WNT3: variants seen among roughly 807,000 people sequenced by gnomAD.
WNT3 encodes the protein proto-oncogene Wnt-3.
WNT3 carries 7 observed loss-of-function variants against 34.2 expected under a neutral mutation model. The ratio of observed to expected loss-of-function variants is 0.20; its 90% CI spans 0.12 to 0.38. The LOEUF (loss-of-function observed/expected upper bound fraction) is 0.38. Ranked by LOEUF, WNT3 falls within the 10% of genes least tolerant of loss-of-function variation. The pLI, the probability that WNT3 is intolerant of heterozygous loss-of-function variation, is 1.00. For synonymous variants in WNT3, 212 were observed against 211.5 expected (o/e 1.00, Z -0.02); for missense variants, 267 against 499.8 (o/e 0.53, Z 4.44).
In WNT3 at chr17:46,768,877, G is replaced by GC; in HGVS notation, c.589-79dup. 6.4e-7 allele frequency: 1 copy of GC among 1,561,658 alleles called. No individual in the cohort carries two copies. The highest frequency in any genetic ancestry group is 1.2e-5 in the South Asian group (1 of 83,882). On this transcript the variant is annotated intron_variant, in intron 3 of 4. Coordinates refer to ENST00000225512, the MANE Select transcript of WNT3 (RefSeq NM_030753.5). This position sits in a 1 kb window ranked among gnomAD's most constrained non-coding sequence, Gnocchi z 5.0. ...ATCCAGGCCTTCCCTCTCTGCCACT[G>GC]CCCACCCCCTTCCCTCCAGCCTTCT...
At chr17:46,796,431 G>A (rs908106562) in intron 1 of WNT3, among the ~76,000 whole-genome samples, 7 of 152,228 alleles carry the variant, frequency 4.6e-5, no homozygotes, top group Non-Finnish European at 1.0e-4. Flanking sequence ...TGGGGAAACT[G>A]AGGCAGAGAT....
intron 1 of WNT3, among the ~76,000 whole-genome samples, chr17:46,805,866 TG>T (rs1273434476): frequency 6.6e-6 from 1 of 152,198 alleles, no homozygotes; most frequent in Non-Finnish European, 1.5e-5. Flanking sequence ...GGCTGTGGTG[TG>T]GTGTGGTGTC....
chr17:46,771,809 A>C, intron 2 of WNT3, among the ~76,000 whole-genome samples: 1 of 141,294 alleles, frequency 7.1e-6, no homozygotes, highest in Non-Finnish European at 1.6e-5. Context: ...GGGCGTGTGA[A>C]TGGCGCGGCG....
intron 1 of WNT3, among the ~76,000 whole-genome samples, chr17:46,781,446 G>A (rs1344350438): frequency 6.6e-6 from 1 of 151,708 alleles, no homozygotes; most frequent in African/African-American, 2.4e-5. Context: ...TCTGATGCAA[G>A]CTACAACATA....
Position 46,768,412 on chromosome 17 carries a change from G to C in WNT3, c.976C>G (p.Arg326Gly), listed in dbSNP as rs774595709. The part of the protein sequence containing the change: ...GRGHNTRTEK[R>G]KEKCHCIFHW... ...AAGATGCAGTGGCATTTTTCCTTCC[G>C]CTTCTCCGTCCTCGTGTTGTGGCCC... The change falls in exon 4 of 5, where the codon CGG (arginine) becomes GGG (glycine). Residue 326 changes from arginine to glycine, a missense_variant. Physicochemically the swap from Arg to Gly is moderately radical, Grantham distance 125. Around this residue, in one of 3 missense-constraint regions of WNT3, gnomAD observed 60 missense variants for 82.7 expected, o/e 0.73. Transcript: ENST00000225512. The surrounding 1 kb of genome is among the most constrained non-coding windows in gnomAD (Gnocchi z 5.0). The C allele has an allele frequency of 4.3e-6, 7 of 1,613,942 alleles. No individual in the cohort carries two copies. Among genetic ancestry groups the C allele is most frequent in the Middle Eastern group, 1.6e-4 (1 of 6,062 alleles).
chr17:46,810,300 C>T (rs2084257055), intron 1 of WNT3, among the ~76,000 whole-genome samples: 1 of 152,170 alleles, frequency 6.6e-6, no homozygotes, highest in Non-Finnish European at 1.5e-5. Flanking sequence ...AAGCCCCATG[C>T]CCAGCCTTCT....
intron 1 of WNT3, among the ~76,000 whole-genome samples, chr17:46,816,292 C>T (rs1048719297): frequency 5.9e-5 from 9 of 152,114 alleles, no homozygotes; most frequent in African/African-American, 1.9e-4. Flanking sequence ...ATCACAGCAC[C>T]AGCCACTTGC....
At chr17:46,790,759 TGAAGAA>T (rs1353819670) in intron 1 of WNT3, among the ~76,000 whole-genome samples, 1 of 152,230 alleles carries the variant, frequency 6.6e-6, no homozygotes, top group African/African-American at 2.4e-5. Flanking sequence ...CCAGCAGCCA[TGAAGAA>T]GAAGCATTTG....
chr17:46,775,315 TTC>T, intron 1 of WNT3, among the ~76,000 whole-genome samples: 1 of 152,348 alleles, frequency 6.6e-6, no homozygotes, highest in South Asian at 2.1e-4. Flanking sequence ...GCCATGTGCC[TTC>T]CCCCGGGTCC....
intron 4 of WNT3, among the ~76,000 whole-genome samples, chr17:46,766,468 C>G (rs943804348): frequency 1.3e-5 from 2 of 152,098 alleles, no homozygotes; most frequent in Non-Finnish European, 2.9e-5. Flanking sequence ...GAGGAGGAAA[C>G]TGGCGCTCCC....
At chr17:46,772,380 C>T (rs947928277) in intron 2 of WNT3, among the ~76,000 whole-genome samples, 2 of 152,226 alleles carry the variant, frequency 1.3e-5, no homozygotes, top group Non-Finnish European at 2.9e-5. Flanking sequence ...GCCGCTTTCC[C>T]CTGGCTCTTG....
At chr17:46,817,654 C>T (rs937181084) in intron 1 of WNT3, among the ~76,000 whole-genome samples, 14 of 148,614 alleles carry the variant, frequency 9.4e-5, no homozygotes, top group Non-Finnish European at 1.9e-4. Context: ...GCACTGCTCC[C>T]GGCTTCCCAG....
chr17:46,781,178 G>GT (rs1460699031), intron 1 of WNT3, among the ~76,000 whole-genome samples: 1 of 150,812 alleles, frequency 6.6e-6, no homozygotes, highest in East Asian at 2.0e-4. Context: ...CAGTGAGCCA[G>GT]TTGCGCCACT....
At chr17:46,774,848 G>A (rs575281334) in intron 1 of WNT3, among the ~76,000 whole-genome samples, 1 of 152,326 alleles carries the variant, frequency 6.6e-6, no homozygotes, top group African/African-American at 2.4e-5. Context: ...TTTTCTGGGA[G>A]AACCTGAGAA....
intron 3 of WNT3, among the ~76,000 whole-genome samples, chr17:46,769,315 C>CAAAAAAAAAA (rs60504646): frequency 9.7e-6 from 1 of 102,862 alleles, no homozygotes; most frequent in Admixed American, 1.0e-4. Flanking sequence ...GACTCCGTCT[C>CAAAAAAAAAA]AAAAAAAAAA....
At chr17:46,805,404 C>G (rs533337700) in intron 1 of WNT3, among the ~76,000 whole-genome samples, 14 of 152,002 alleles carry the variant, frequency 9.2e-5, no homozygotes, top group Non-Finnish European at 1.6e-4. Flanking sequence ...GAAATCCCAT[C>G]TCTACTAAAA....
At chr17:46,810,004 CTTTTTT>C (rs11292601) in intron 1 of WNT3, among the ~76,000 whole-genome samples, 2 of 126,390 alleles carry the variant, frequency 1.6e-5, no homozygotes, top group East Asian at 4.5e-4. Context: ...TTCTTTCTTT[CTTTTTT>C]TTTTTTTTTT....
Position 46,809,992 on chromosome 17 carries a change from TTTTC to T in WNT3, c.80+8522_80+8525del, listed in dbSNP as rs1182534308. 6.0e-5 allele frequency among the ~76,000 whole-genome samples: 9 copies of T among 149,622 alleles called. No homozygotes were observed. In the East Asian group the frequency reaches 7.9e-4, roughly 13 times the overall value. ...GGGACTAGCTCTTATTCCTCTCCTC[TTTTC>T]TTTCTTTCTTTTTTTTTTTTTTTTT... On this transcript the variant is annotated intron_variant, in intron 1 of 4. Transcript: ENST00000225512.
chr17:46,815,456 C>T (rs2084328607), intron 1 of WNT3, among the ~76,000 whole-genome samples: 1 of 152,268 alleles, frequency 6.6e-6, no homozygotes, highest in Middle Eastern at 3.4e-3. Context: ...CCCTGTAAAT[C>T]CTTCCTGGGG....
Sources: allele counts gnomAD v4.1 joint callset (sites outside exome capture counted in the v4.1 genomes callset), GRCh38; gene constraint gnomAD v4.1.1; regional missense constraint gnomAD v4.1.1; non-coding constraint Gnocchi (gnomAD v3.1); transcripts MANE v1.5; gene names NCBI Gene and HGNC (gene_info 2026-07-23, HGNC 2026-07-21).